Variants in CDH13 observed in about 807,000 individuals in gnomAD.
The protein encoded by CDH13 is cadherin-13.
CDH13 carries 24 observed loss-of-function variants against 63.8 expected under a neutral mutation model. The observed-to-expected ratio is 0.38, with a 90% CI of 0.27 to 0.53. CDH13 has a LOEUF of 0.53. CDH13 is among the 20% of genes least tolerant of loss of function. CDH13 has a pLI of 0.85. For synonymous variants in CDH13, 503 were observed against 355.3 expected, an observed-to-expected ratio of 1.42 and a Z score of -4.67; for missense variants, 1,049 against 903.1, an observed-to-expected ratio of 1.16 and a Z score of -2.07.
chr16:82,632,461 A>G (rs1402763857), intron 1 of CDH13, among the ~76,000 whole-genome samples: 2 of 152,272 alleles, frequency 1.3e-5, no homozygotes, highest in Non-Finnish European at 2.9e-5. Flanking sequence ...CCAGAGAGAC[A>G]TAGCACCCAG....
Position 83,502,566 on chromosome 16 carries a change from T to A in CDH13, c.960+15911T>A, listed in dbSNP as rs181251121. 2.6e-5 allele frequency among the ~76,000 whole-genome samples: 4 copies of A among 152,348 alleles called. No homozygotes were observed. In the East Asian group the frequency reaches 7.7e-4, roughly 29 times the overall value. ...TTACAGCAGCAATAGGAAATGGATG[T>A]AACCTTTTTTATATGGTTTGTGGGC... On this transcript the variant is annotated intron_variant, in intron 7 of 13. Transcript: ENST00000567109.
intron 6 of CDH13, among the ~76,000 whole-genome samples, chr16:83,448,182 C>G (rs1325314973): frequency 6.6e-6 from 1 of 151,618 alleles, no homozygotes; most frequent in African/African-American, 2.4e-5. Flanking sequence ...TTTTTTTAAT[C>G]TCATGATCTG....
intron 1 of CDH13, among the ~76,000 whole-genome samples, chr16:82,641,320 A>G (rs1233351974): frequency 6.6e-6 from 1 of 152,168 alleles, no homozygotes; most frequent in Non-Finnish European, 1.5e-5. Flanking sequence ...AAAAAATGGA[A>G]AGGTATGGCA....
intron 8 of CDH13, among the ~76,000 whole-genome samples, chr16:83,656,054 G>A (rs1053299034): frequency 6.6e-6 from 1 of 152,102 alleles, no homozygotes; most frequent in African/African-American, 2.4e-5. Flanking sequence ...CACCCGAGGG[G>A]AAACTTTACA....
intron 10 of CDH13, among the ~76,000 whole-genome samples, chr16:83,744,219 G>C (rs1001220107): frequency 6.6e-6 from 1 of 152,180 alleles, no homozygotes; most frequent in African/African-American, 2.4e-5. Flanking sequence ...AGAGCCGTCA[G>C]GGCCCGTGTT....
intron 5 of CDH13, among the ~76,000 whole-genome samples, chr16:83,308,554 C>T (rs1416298927): frequency 6.6e-6 from 1 of 152,184 alleles, no homozygotes; most frequent in Non-Finnish European, 1.5e-5. Flanking sequence ...CTAGAGATTA[C>T]AAAGCCAACG....
At chr16:83,254,149 G>T (rs1040663457) in intron 5 of CDH13, among the ~76,000 whole-genome samples, 1 of 152,186 alleles carries the variant, frequency 6.6e-6, no homozygotes, top group Non-Finnish European at 1.5e-5. Flanking sequence ...GGAGTTAGGG[G>T]CTTAAATCCA....
intron 3 of CDH13, among the ~76,000 whole-genome samples, chr16:83,124,829 T>C (rs1358873570): frequency 6.6e-6 from 1 of 152,146 alleles, no homozygotes; most frequent in Non-Finnish European, 1.5e-5. Flanking sequence ...GAAGATCAGT[T>C]GGTTGTAGGT....
At chr16:82,989,401 G>T (rs1283797178) in intron 2 of CDH13, among the ~76,000 whole-genome samples, 2 of 152,212 alleles carry the variant, frequency 1.3e-5, no homozygotes, top group Non-Finnish European at 2.9e-5. Context: ...TGACATGGCA[G>T]TGTGAGCTGG....
At chr16:82,666,744 A>G (rs1912631882) in intron 1 of CDH13, among the ~76,000 whole-genome samples, 1 of 152,172 alleles carries the variant, frequency 6.6e-6, no homozygotes, top group Non-Finnish European at 1.5e-5. Flanking sequence ...CATTTTTAGA[A>G]ATGTTAAATG....
chr16:83,206,480 G>A (rs1567506180), intron 4 of CDH13, among the ~76,000 whole-genome samples: 1 of 152,152 alleles, frequency 6.6e-6, no homozygotes, highest in Non-Finnish European at 1.5e-5. Context: ...CTCATGCCCA[G>A]CTCCAAGATC....
rs376396838 is a variant in CDH13, at chr16:82,889,872, A to G, written c.157+31399A>G. 1.5e-3 allele frequency among the ~76,000 whole-genome samples: 227 copies of G among 152,380 alleles called. 7 individuals carry two copies. The South Asian group carries it at 0.046, about 31-fold the overall frequency. On this transcript the variant is annotated intron_variant, in intron 2 of 13. Transcript: ENST00000567109. ...TTTAGGATTTTCGAGTGGGAAGACTATTAAAAGAGATGCTTGCTCAAGAGA... is the reference window on the plus strand; with the variant it reads ...TTTAGGATTTTCGAGTGGGAAGACTGTTAAAAGAGATGCTTGCTCAAGAGA...
At chr16:83,692,366 A>T (rs1008860183) in intron 10 of CDH13, among the ~76,000 whole-genome samples, 2 of 152,186 alleles carry the variant, frequency 1.3e-5, no homozygotes, top group Non-Finnish European at 2.9e-5. Context: ...CTAGGGATGC[A>T]TTCTTCCCGG....
chr16:82,897,740 T>C (rs896279562), intron 2 of CDH13, among the ~76,000 whole-genome samples: 1 of 152,258 alleles, frequency 6.6e-6, no homozygotes, highest in African/African-American at 2.4e-5. Context: ...CCCTGCTGAG[T>C]AGAGTCCTGA....
At chr16:82,682,626 T>C (rs1018646958) in intron 1 of CDH13, among the ~76,000 whole-genome samples, 4 of 152,230 alleles carry the variant, frequency 2.6e-5, no homozygotes, top group African/African-American at 9.6e-5. Flanking sequence ...AAAACATGCT[T>C]CTGGCAATAT....
chr16:83,613,633 C>T (rs535396276), intron 8 of CDH13, among the ~76,000 whole-genome samples: 6 of 152,102 alleles, frequency 3.9e-5, no homozygotes, highest in Non-Finnish European at 7.3e-5. Flanking sequence ...GAGTTCAACA[C>T]CAGCCTGGCC....
intron 6 of CDH13, among the ~76,000 whole-genome samples, chr16:83,389,371 C>G (rs891771478): frequency 6.6e-6 from 1 of 152,112 alleles, no homozygotes; most frequent in Non-Finnish European, 1.5e-5. Context: ...ATTTTCAAAT[C>G]TGATTTTCTC....
intron 5 of CDH13, among the ~76,000 whole-genome samples, chr16:83,222,003 G>A (rs141598910): frequency 6.6e-6 from 1 of 152,238 alleles, no homozygotes; most frequent in Admixed American, 6.5e-5. Context: ...TTAATGTTGG[G>A]GTGAACATGT....
chr16:83,722,328 C>T lies in CDH13; in HGVS notation c.1539-25780C>T, dbSNP rs1402444295. Among the ~76,000 whole-genome samples, 8 of 152,158 alleles carry T rather than the reference C, an allele frequency of 5.3e-5. No homozygotes were observed. In the East Asian group the frequency reaches 1.5e-3, roughly 29 times the overall value. ...GTGCCAGCTACATATGTACAGTGTC[C>T]AACCCCACAAAGGGGATCCCTGTTA... On this transcript the variant is annotated intron_variant, in intron 10 of 13. Transcript: ENST00000567109.
Sources: gnomAD v4.1 joint callset for allele counts (sites outside exome capture counted in the v4.1 genomes callset) on GRCh38, gnomAD v4.1.1 for gene constraint, MANE v1.5 for transcripts, NCBI Gene and HGNC (gene_info 2026-07-23, HGNC 2026-07-21) for gene names.